The following CDH12 variants were observed in gnomAD, a reference collection of about 807,000 sequenced individuals.
CDH12 encodes the protein cadherin 12, also known as cadherin-12.
A neutral mutation model predicts 74.1 loss-of-function variants in CDH12; 41 were observed. That is an observed-to-expected ratio of 0.55 (90% CI 0.43 to 0.72). The LOEUF is 0.72. Ranked by LOEUF, CDH12 falls within the 30% of genes least tolerant of loss-of-function variation. CDH12 has a pLI of 0.00. For synonymous variants in CDH12, 399 were observed against 355.0 expected (o/e 1.12, Z -1.39); for missense variants, 945 against 977.2 (o/e 0.97, Z 0.44).
intron 13 of CDH12, among the ~76,000 whole-genome samples, chr5:21,756,234 TTAAAC>T (rs1744390124): frequency 6.6e-6 from 1 of 152,128 alleles, no homozygotes. Context: ...AACCTATTCT[TTAAAC>T]TATATTAAAA....
intron 3 of CDH12, among the ~76,000 whole-genome samples, chr5:22,372,668 T>C (rs13163688): frequency 0.43 from 65,702 of 151,958 alleles, 15,247 homozygotes; most frequent in Non-Finnish European, 0.52. Context: ...TTCGGGCTGT[T>C]GTGGCACCCA....
At chr5:22,332,631 C>A (rs756576685) in intron 3 of CDH12, among the ~76,000 whole-genome samples, 1 of 151,974 alleles carries the variant, frequency 6.6e-6, no homozygotes, top group African/African-American at 2.4e-5. Context: ...ATAAAACAAA[C>A]AACCCCATCA....
intron 2 of CDH12, among the ~76,000 whole-genome samples, chr5:22,451,070 T>C (rs1484614483): frequency 3.3e-5 from 5 of 151,820 alleles, no homozygotes; most frequent in African/African-American, 9.7e-5. Flanking sequence ...CTCTGTTACA[T>C]TGCTCTATTT....
chr5:21,894,926 T>C (rs1753053880), intron 6 of CDH12, among the ~76,000 whole-genome samples: 1 of 152,056 alleles, frequency 6.6e-6, no homozygotes, highest in African/African-American at 2.4e-5. Context: ...TCACCATATT[T>C]GCTCAAGTCA....
chr5:22,250,243 T>G (rs920053243), intron 3 of CDH12, among the ~76,000 whole-genome samples: 3 of 152,118 alleles, frequency 2.0e-5, no homozygotes, highest in Non-Finnish European at 4.4e-5. Flanking sequence ...CACATACTAG[T>G]GGCTTAAAAG....
At chr5:22,764,949 T>C (rs1403233193) in intron 1 of CDH12, among the ~76,000 whole-genome samples, 2 of 151,970 alleles carry the variant, frequency 1.3e-5, no homozygotes, top group African/African-American at 4.8e-5. Context: ...GATTAGCATA[T>C]ACTGTGTTTG....
intron 1 of CDH12, among the ~76,000 whole-genome samples, chr5:22,601,618 T>C (rs1005623737): frequency 2.0e-5 from 3 of 152,084 alleles, no homozygotes; most frequent in Admixed American, 6.5e-5. Context: ...GAAAGGAAGA[T>C]GATTATCTTT....
At chr5:22,258,437 T>A (rs1316718349) in intron 3 of CDH12, among the ~76,000 whole-genome samples, 1 of 152,060 alleles carries the variant, frequency 6.6e-6, no homozygotes, top group Non-Finnish European at 1.5e-5. Flanking sequence ...CTGGCCTCTG[T>A]ATCTCCCCAC....
intron 4 of CDH12, among the ~76,000 whole-genome samples, chr5:22,157,923 C>T (rs1286373991): frequency 5.3e-5 from 8 of 150,850 alleles, no homozygotes; most frequent in Admixed American, 1.3e-4. Flanking sequence ...TTTTTTTTTC[C>T]GGGATAAAGA....
At chr5:22,375,744 T>C (rs1406220111) in intron 3 of CDH12, among the ~76,000 whole-genome samples, 1 of 151,840 alleles carries the variant, frequency 6.6e-6, no homozygotes, top group Non-Finnish European at 1.5e-5. Flanking sequence ...CAAAATGATG[T>C]ATCATTTTAC....
At chr5:22,182,087 A>C (rs1313243003) in intron 4 of CDH12, among the ~76,000 whole-genome samples, 2 of 152,080 alleles carry the variant, frequency 1.3e-5, no homozygotes, top group East Asian at 3.8e-4. Flanking sequence ...TGAATTTAGA[A>C]TAAAGACTAG....
intron 1 of CDH12, among the ~76,000 whole-genome samples, chr5:22,777,858 G>A (rs1379178444): frequency 6.6e-6 from 1 of 152,012 alleles, no homozygotes; most frequent in Non-Finnish European, 1.5e-5. Flanking sequence ...CTATCAACCA[G>A]GCTGGAGTGC....
chr5:22,313,617 TA>T (rs1461161937), intron 3 of CDH12, among the ~76,000 whole-genome samples: 1 of 152,156 alleles, frequency 6.6e-6, no homozygotes, highest in Non-Finnish European at 1.5e-5. Flanking sequence ...GAAAATGTGA[TA>T]TATATACACA....
At chr5:21,969,116 A>G (rs528890794) in intron 6 of CDH12, among the ~76,000 whole-genome samples, 2 of 152,040 alleles carry the variant, frequency 1.3e-5, no homozygotes, top group South Asian at 4.2e-4. Context: ...CACATCCTGC[A>G]CAGGTACTCC....
intron 5 of CDH12, among the ~76,000 whole-genome samples, chr5:22,058,327 G>C (rs1170191267): frequency 6.6e-6 from 1 of 152,136 alleles, no homozygotes; most frequent in Non-Finnish European, 1.5e-5. Context: ...AAAGTGCTGG[G>C]ATTACAGGCA....
At chr5:22,792,783 T>C (rs1561034444) in intron 1 of CDH12, among the ~76,000 whole-genome samples, 1 of 152,196 alleles carries the variant, frequency 6.6e-6, no homozygotes, top group African/African-American at 2.4e-5. Flanking sequence ...ATCAGTGTAA[T>C]TTTACCAGCA....
chr5:22,058,332 C>G (rs577911056), intron 5 of CDH12, among the ~76,000 whole-genome samples: 6 of 152,176 alleles, frequency 3.9e-5, no homozygotes, highest in African/African-American at 1.4e-4. Context: ...GCTGGGATTA[C>G]AGGCATGAGC....
At chr5:22,359,725 A>T (rs1305385099) in intron 3 of CDH12, among the ~76,000 whole-genome samples, 7 of 152,190 alleles carry the variant, frequency 4.6e-5, no homozygotes, top group African/African-American at 1.7e-4. Context: ...ATTATAACAA[A>T]CTGTCTCTCA....
chr5:22,119,895 A>G (rs1745404482), intron 4 of CDH12, among the ~76,000 whole-genome samples: 1 of 152,198 alleles, frequency 6.6e-6, no homozygotes, highest in Non-Finnish European at 1.5e-5. Flanking sequence ...ATTATTCTCA[A>G]AATAAAAGGA....
Sources: allele counts gnomAD v4.1 joint callset (sites outside exome capture counted in the v4.1 genomes callset), GRCh38; gene constraint gnomAD v4.1.1; transcripts MANE v1.5; gene names NCBI Gene and HGNC (gene_info 2026-07-23, HGNC 2026-07-21).